Variants in SVIL observed in about 807,000 individuals in gnomAD.
SVIL encodes the protein archvillin.
Under a neutral mutation model 240.4 loss-of-function variants are expected in SVIL, and 101 were observed. That is an observed-to-expected ratio of 0.42 (90% CI 0.36 to 0.50). The LOEUF (loss-of-function observed/expected upper bound fraction) is 0.50, where lower values mean the gene tolerates loss of function less well. Ranked by LOEUF, SVIL falls within the 20% of genes least tolerant of loss-of-function variation. The pLI, the probability that SVIL is intolerant of heterozygous loss-of-function variation, is 0.01. For synonymous variants in SVIL, 999 were observed against 1,100.0 expected (o/e 0.91, Z 1.82); for missense variants, 2,512 against 2,818.7 (o/e 0.89, Z 2.46).
At chr10:29,735,955 C>T (rs1023346115), upstream of SVIL, among the ~76,000 whole-genome samples, 6 of 152,158 alleles carry the variant, frequency 3.9e-5, no homozygotes, top group African/African-American at 1.4e-4. The surrounding 1 kb of genome is among the most constrained non-coding windows in gnomAD (Gnocchi z 4.1). Context: ...GCGCGGCGGC[C>T]GGGAGCTGGC....
At chr10:29,488,376 A>G (rs950037388) in intron 23 of SVIL, among the ~76,000 whole-genome samples, 17 of 152,198 alleles carry the variant, frequency 1.1e-4, no homozygotes, top group South Asian at 2.1e-4. Context: ...GACTCCAGAC[A>G]CGTTCCTGCC....
intron 1 of SVIL, among the ~76,000 whole-genome samples, chr10:29,721,825 C>T (rs979070013): frequency 6.6e-6 from 1 of 152,196 alleles, no homozygotes; most frequent in Non-Finnish European, 1.5e-5. Context: ...TCCATGTTGA[C>T]TTGTGGCAAA....
intron 6 of SVIL, among the ~76,000 whole-genome samples, chr10:29,547,126 G>C (rs114599638): frequency 1.1e-3 from 161 of 152,124 alleles, no homozygotes; most frequent in African/African-American, 3.7e-3. Context: ...TCCCTAAATA[G>C]GAATCAGAAA....
chr10:29,698,677 A>G, intron 1 of SVIL, among the ~76,000 whole-genome samples: 1 of 150,694 alleles, frequency 6.6e-6, no homozygotes, highest in African/African-American at 2.4e-5. Flanking sequence ...AAAATAAAAT[A>G]AAACCCTGCT....
At chr10:29,607,487 A>G (rs1201675560) in intron 1 of SVIL, among the ~76,000 whole-genome samples, 3 of 150,862 alleles carry the variant, frequency 2.0e-5, no homozygotes, top group African/African-American at 7.3e-5. Context: ...AACTTCCCTA[A>G]TTTAGAACAT....
At chr10:29,607,386 T>C (rs557073287) in intron 1 of SVIL, among the ~76,000 whole-genome samples, 1 of 152,100 alleles carries the variant, frequency 6.6e-6, no homozygotes, top group Non-Finnish European at 1.5e-5. Flanking sequence ...GCCTAGTTTA[T>C]TTTTTTTCTT....
chr10:29,699,233 A>C (rs1421836246), intron 1 of SVIL, among the ~76,000 whole-genome samples: 1 of 152,126 alleles, frequency 6.6e-6, no homozygotes, highest in African/African-American at 2.4e-5. Flanking sequence ...GGTTCAAGCA[A>C]TCCTCTTGCC....
intron 16 of SVIL, among the ~76,000 whole-genome samples, chr10:29,516,814 C>T (rs963611511): frequency 1.3e-5 from 2 of 152,198 alleles, no homozygotes; most frequent in Non-Finnish European, 2.9e-5. Context: ...CCACACTGTT[C>T]CAGCAGGGAA....
rs772938566 is a variant in SVIL, at chr10:29,486,410, A to G, written c.4633T>C (p.Ser1545Pro). The G allele has an allele frequency of 1.5e-5, 24 of 1,614,150 alleles. 1 individual carries two copies. In the Admixed American group the frequency reaches 3.5e-4, roughly 24 times the overall value. ...KLLGGQTSYQ[S>P]AGDPKEDELY... Reference sequence around the variant, plus strand: ...TCTCTGAAGTACAATGAAGTCTTACATTGGTAACTGGTTTGGCCACCCAGA... The same window carrying G: ...TCTCTGAAGTACAATGAAGTCTTACGTTGGTAACTGGTTTGGCCACCCAGA... The change falls in exon 25 of 38, where the codon TCT becomes CCT. Residue 1545 changes from serine to proline, a missense_variant and splice_region_variant. By Grantham distance (74) the Ser-to-Pro change is moderately conservative. Coordinates refer to ENST00000355867, the MANE Select transcript of SVIL (RefSeq NM_021738.3).
At chr10:29,519,041 A>G (rs2132516482) in intron 16 of SVIL, among the ~76,000 whole-genome samples, 1 of 152,178 alleles carries the variant, frequency 6.6e-6, no homozygotes, top group East Asian at 1.9e-4. Flanking sequence ...AGGCATTTAT[A>G]AAAAACGATG....
rs77932712 is a variant in SVIL at position 29,617,111 on chromosome 10, G to A, written c.-201+17309C>T. On this transcript the variant is annotated intron_variant, in intron 1 of 37. Coordinates refer to ENST00000355867, the MANE Select transcript of SVIL (RefSeq NM_021738.3). The stretch of plus-strand genomic sequence containing the variant: ...CGCTTATCTTCCCCTAGTTTCCCCC[G>A]TGTATTTCCCAGTTGCTTCCGCACA... Among the ~76,000 whole-genome samples the A allele has an allele frequency of 7.9e-3, 1,207 of 152,152 alleles. 11 individuals are homozygous for A. The highest frequency in any genetic ancestry group is 0.024 in the African/African-American group (996 of 41,516).
At chr10:29,688,201 A>T (rs1480701285) in intron 1 of SVIL, among the ~76,000 whole-genome samples, 1 of 152,254 alleles carries the variant, frequency 6.6e-6, no homozygotes, top group Non-Finnish European at 1.5e-5. Flanking sequence ...CTAATAATGT[A>T]GCATTAGCTA....
At chr10:29,545,853 C>CAAAAAAAAAAAAAAAAAAAAAAAAAAAA (rs755360700) in intron 6 of SVIL, among the ~76,000 whole-genome samples, 5 of 63,570 alleles carry the variant, frequency 7.9e-5, no homozygotes, top group Non-Finnish European at 1.1e-4. Context: ...GACTCTGTCT[C>CAAAAAAAAAAAAAAAAAAAAAAAAAAAA]AAAAAAAAAA....
chr10:29,516,934 A>C (rs7899202), intron 16 of SVIL, among the ~76,000 whole-genome samples: 2 of 152,074 alleles, frequency 1.3e-5, no homozygotes, highest in Non-Finnish European at 2.9e-5. Flanking sequence ...ATTAAATAAG[A>C]TGTGTTTTCT....
chr10:29,508,441 C>A, intron 17 of SVIL: 1 of 1,275,076 alleles, frequency 7.8e-7, no homozygotes, highest in Non-Finnish European at 1.0e-6. Context: ...AGAGAAGAGC[C>A]TGGTCAGGGC....
At chr10:29,630,408 G>A (rs1958040058) in intron 1 of SVIL, among the ~76,000 whole-genome samples, 1 of 152,186 alleles carries the variant, frequency 6.6e-6, no homozygotes, top group Non-Finnish European at 1.5e-5. Context: ...GAAAAAGAAT[G>A]CCTCTTTCAA....
intron 30 of SVIL, chr10:29,473,442 A>G (rs1048148758): frequency 3.5e-5 from 8 of 228,620 alleles, no homozygotes. Flanking sequence ...TCCTCATCCT[A>G]CCGAGGCCTT....
At position 29,585,518 on chromosome 10, in the gene SVIL, A is replaced by T. The variant is rs571205886; in HGVS notation, c.-200-16206T>A. On this transcript the variant is annotated intron_variant, in intron 1 of 37. Transcript: ENST00000355867. ...ATTTTTTTAACAAGAGGAGAAAGTGAATTTGTGCTTTCCCTGAACAGCAAG... is the reference window on the plus strand; with the variant it reads ...ATTTTTTTAACAAGAGGAGAAAGTGTATTTGTGCTTTCCCTGAACAGCAAG... Among the ~76,000 whole-genome samples the T allele has an allele frequency of 8.6e-4, 131 of 152,268 alleles. 2 individuals carry two copies. The South Asian group carries it at 0.027, about 31-fold the overall frequency.
intron 3 of SVIL, among the ~76,000 whole-genome samples, chr10:29,645,950 T>C (rs1381455363): frequency 6.6e-6 from 1 of 152,220 alleles, no homozygotes. Flanking sequence ...TCAGGAGTTC[T>C]TCCAGGTACT....
Sources: allele counts gnomAD v4.1 joint callset (sites outside exome capture counted in the v4.1 genomes callset), GRCh38; gene constraint gnomAD v4.1.1; non-coding constraint Gnocchi (gnomAD v3.1); transcripts MANE v1.5; gene names NCBI Gene and HGNC (gene_info 2026-07-23, HGNC 2026-07-21).